Variants in GPRASP3 observed in about 807,000 individuals in gnomAD.
GPRASP3 encodes G protein-coupled receptor associated sorting protein family member 3, also known as G protein-coupled receptor associated sorting protein 3.
At chrX:102,749,224 G>C in the GPRASP3 span, 1 of 1,211,943 alleles carries the variant, frequency 8.3e-7, no homozygotes, top group Non-Finnish European at 1.1e-6. Context: ...AGCTCTGTCA[G>C]AGCCTAAGAC....
At chrX:102,722,748 G>A in the GPRASP3 span, among the ~76,000 whole-genome samples, 1,572 of 111,828 alleles carry the variant, frequency 0.014, 25 homozygotes, top group African/African-American at 0.049. Context: ...AGATGCTTCC[G>A]TTATCCCTAT....
chrX:102,745,314 A>G, the GPRASP3 span, among the ~76,000 whole-genome samples: 1 of 111,763 alleles, frequency 8.9e-6, no homozygotes, highest in Non-Finnish European at 1.9e-5. Flanking sequence ...GGCAGAAAGA[A>G]ATGAGTCTGG....
At chrX:102,749,347 A>G in the GPRASP3 span, 1 of 1,210,363 alleles carries the variant, frequency 8.3e-7, no homozygotes, top group Non-Finnish European at 1.1e-6. Context: ...GGAAGAGGCC[A>G]CTATCAATTC....
the GPRASP3 span, chrX:102,749,286 C>T: frequency 8.3e-7 from 1 of 1,211,388 alleles, no homozygotes; most frequent in Non-Finnish European, 1.1e-6. Flanking sequence ...ATGAGTCCAC[C>T]AGCTCCACAT....
At chrX:102,730,036 TTATTTC>T in the GPRASP3 span, among the ~76,000 whole-genome samples, 1 of 111,950 alleles carries the variant, frequency 8.9e-6, no homozygotes, top group Non-Finnish European at 1.9e-5. Flanking sequence ...ATTATGTACT[TTATTTC>T]TATTATTATT....
At chrX:102,743,036 T>C in the GPRASP3 span, among the ~76,000 whole-genome samples, 17 of 111,665 alleles carry the variant, frequency 1.5e-4, no homozygotes, top group Non-Finnish European at 2.8e-4. Context: ...TAAATGGTTG[T>C]ATTCTTTTGA....
the GPRASP3 span, among the ~76,000 whole-genome samples, chrX:102,723,551 G>A: frequency 2.7e-5 from 3 of 111,534 alleles, no homozygotes; most frequent in South Asian, 3.8e-4. Context: ...GTGTTTTTTC[G>A]AGTATGTCAA....
chrX:102,749,445 G>T, the GPRASP3 span: 2 of 1,211,932 alleles, frequency 1.7e-6, no homozygotes, highest in South Asian at 3.5e-5. Context: ...GTGCTGAGGA[G>T]TTGGAACCTG....
chrX:102,748,767 C>G, the GPRASP3 span: 2 of 331,502 alleles, frequency 6.0e-6, no homozygotes, highest in Non-Finnish European at 1.1e-5. Flanking sequence ...CAGGTCTGCA[C>G]TTGGGAACAA....
chrX:102,722,524 T>G, the GPRASP3 span, among the ~76,000 whole-genome samples: 2 of 112,123 alleles, frequency 1.8e-5, no homozygotes, highest in Non-Finnish European at 3.8e-5. Context: ...ATTAGCTCAA[T>G]CTTCAGCCCC....
At chrX:102,746,516 C>T in the GPRASP3 span, among the ~76,000 whole-genome samples, 865 of 112,451 alleles carry the variant, frequency 7.7e-3, 25 homozygotes, top group East Asian at 0.13. Context: ...GGAGAAATGG[C>T]GGAGCGGGAG....
At chrX:102,735,490 C>T in the GPRASP3 span, among the ~76,000 whole-genome samples, 24 of 108,057 alleles carry the variant, frequency 2.2e-4, no homozygotes, top group South Asian at 4.2e-4. Context: ...CTGCAAGCTC[C>T]GCCTCCTGGG....
the GPRASP3 span, among the ~76,000 whole-genome samples, chrX:102,723,809 GC>G: frequency 9.0e-6 from 1 of 111,453 alleles, no homozygotes; most frequent in Admixed American, 9.6e-5. Context: ...AGGTAGTGGG[GC>G]TAGGTATTAA....
the GPRASP3 span, chrX:102,750,559 A>G: frequency 3.3e-6 from 4 of 1,203,225 alleles, no homozygotes; most frequent in Admixed American, 2.3e-5. Flanking sequence ...AAAAGGCTCA[A>G]TTGTAGTTGT....
chrX:102,749,232 G>A, the GPRASP3 span: 2 of 1,211,741 alleles, frequency 1.7e-6, no homozygotes, highest in Middle Eastern at 4.6e-4. Flanking sequence ...CAGAGCCTAA[G>A]ACTCTGGGCA....
the GPRASP3 span, among the ~76,000 whole-genome samples, chrX:102,743,189 T>TG: frequency 1.8e-5 from 2 of 110,392 alleles, no homozygotes; most frequent in African/African-American, 6.6e-5. Flanking sequence ...TAGCTTTTTT[T>TG]TTTTTAATCT....
chrX:102,751,518 A>G, the GPRASP3 span: 1 of 123,210 alleles, frequency 8.1e-6, no homozygotes, highest in Non-Finnish European at 1.9e-5. Flanking sequence ...TGACACCAGA[A>G]CCCATCTCAC....
the GPRASP3 span, chrX:102,748,703 A>G: frequency 8.5e-6 from 2 of 236,405 alleles, no homozygotes; most frequent in Non-Finnish European, 1.5e-5. Flanking sequence ...CCTCAGGTCC[A>G]TCTCCACTGG....
the GPRASP3 span, among the ~76,000 whole-genome samples, chrX:102,744,976 TGGAA>T: frequency 1.8e-5 from 2 of 111,262 alleles, no homozygotes; most frequent in South Asian, 3.8e-4. Flanking sequence ...CCCCATCGCT[TGGAA>T]GGGAGAGTAA....
Sources: allele counts gnomAD v4.1 joint callset (sites outside exome capture counted in the v4.1 genomes callset), GRCh38; gene constraint gnomAD v4.1.1; transcripts MANE v1.5; gene names NCBI Gene and HGNC (gene_info 2026-07-23, HGNC 2026-07-21).